Variants in TTN observed in about 807,000 individuals in gnomAD.
The protein encoded by TTN is titin.
TTN carries 1,525 observed loss-of-function variants against 3,223.0 expected under a neutral mutation model. The ratio of observed to expected loss-of-function variants is 0.47; its 90% CI spans 0.45 to 0.49. The LOEUF (loss-of-function observed/expected upper bound fraction) is 0.49. Ranked by LOEUF, TTN falls within the 20% of genes least tolerant of loss-of-function variation. TTN has a pLI of 0.00. For missense variants in TTN, 40,786 were observed against 43,424.0 expected (o/e 0.94, Z 5.40); for synonymous variants, 14,094 against 15,161.0 (o/e 0.93, Z 5.17).
chr2:178,541,066 C>A, intron 350 of TTN: 1 of 388,194 alleles, frequency 2.6e-6, no homozygotes. Context: ...AATTATTTGC[C>A]AGAAATCGCT....
intron 180 of TTN, among the ~76,000 whole-genome samples, chr2:178,660,698 AGCTTCT>A (rs2064546443): frequency 6.6e-6 from 1 of 152,306 alleles, no homozygotes; most frequent in Non-Finnish European, 1.5e-5. Flanking sequence ...TAAACTAAAG[AGCTTCT>A]GCACAGCAAA....
At chr2:178,755,832 G>T (rs1342624534) in intron 46 of TTN, among the ~76,000 whole-genome samples, 1 of 152,138 alleles carries the variant, frequency 6.6e-6, no homozygotes, top group Non-Finnish European at 1.5e-5. Context: ...TGAACCTCTT[G>T]CTATTAAAAC....
At chr2:178,671,401 T>C (rs1246869529) in intron 155 of TTN, among the ~76,000 whole-genome samples, 2 of 151,762 alleles carry the variant, frequency 1.3e-5, no homozygotes, top group Non-Finnish European at 3.0e-5. Context: ...ACATATATTG[T>C]TAATTTGTGC....
chr2:178,753,271 T>G (rs1405944970), intron 46 of TTN, 91 bp from the exon 47 acceptor site: 11 of 1,077,426 alleles, frequency 1.0e-5, no homozygotes, highest in Non-Finnish European at 1.4e-5. Flanking sequence ...AAGTTTTCTT[T>G]TTATTATAAC....
intron 240 of TTN, among the ~76,000 whole-genome samples, chr2:178,628,503 G>T (rs1259314580): frequency 6.6e-6 from 1 of 152,028 alleles, no homozygotes; most frequent in Non-Finnish European, 1.5e-5. Flanking sequence ...ATAATTTAAA[G>T]ACATATGTTG....
In TTN at chr2:178,579,739, A is replaced by G; in HGVS notation, c.67458T>C (p.Tyr22486=). ...HSDGGSRIIG[Y]VVDFLTEENK... ...TTTCTTCAGTCAGGAAATCAACTAC[A>G]TATCCAATAATCCGACTTCCACCAT... The change falls in exon 319 of 363, where the codon TAT becomes TAC. Residue 22486 remains tyrosine, a synonymous_variant. Coordinates refer to ENST00000589042, the MANE Select transcript of TTN (RefSeq NM_001267550.2). The G allele has an allele frequency of 1.9e-6, 3 of 1,613,276 alleles. No homozygotes were observed. The highest frequency in any genetic ancestry group is 1.1e-5 in the South Asian group (1 of 91,076).
chr2:178,610,222 T>C lies in TTN; in HGVS notation c.51304A>G (p.Asn17102Asp), dbSNP rs1184311554. 1.9e-6 allele frequency: 3 copies of C among 1,612,900 alleles called. No individual in the cohort carries two copies. Among genetic ancestry groups the C allele is most frequent in the Non-Finnish European group, 2.5e-6 (3 of 1,179,300 alleles). Reference sequence around the variant, plus strand: ...TCCTTCACAGTCCATGACAGTTTGTTCTCACCAGACATGACTGGTATATAT... The same window carrying C: ...TCCTTCACAGTCCATGACAGTTTGTCCTCACCAGACATGACTGGTATATAT... Reference protein sequence around the residue: ...RTYIPVMSGENKLSWTVKDLI... With the variant: ...RTYIPVMSGEDKLSWTVKDLI... Residue 17102 changes from asparagine to aspartate, a missense_variant, in exon 271 of 363, where the codon AAC becomes GAC. By Grantham distance (23) the Asn-to-Asp change is conservative (BLOSUM62 1). Coordinates refer to ENST00000589042, the MANE Select transcript of TTN (RefSeq NM_001267550.2).
intron 292 of TTN, 122 bp from the exon 293 acceptor site, chr2:178,598,180 GT>G: frequency 1.7e-6 from 2 of 1,211,054 alleles, no homozygotes; most frequent in Non-Finnish European, 1.1e-6. Context: ...ATTGTTGCTG[GT>G]TTAGGTTTTA....
rs761687390 is a variant in TTN at position 178,630,805 on chromosome 2, G to A, written c.44153C>T (p.Pro14718Leu). 1.2e-6 allele frequency: 2 copies of A among 1,611,666 alleles called. No homozygotes were observed. Among genetic ancestry groups the A allele is most frequent in the Non-Finnish European group, 1.7e-6 (2 of 1,178,816 alleles). Residue 14718 changes from proline (P) to leucine (L), a missense_variant and splice_region_variant, in exon 238 of 363, where the codon CCT becomes CTT. By Grantham distance (98) the Pro-to-Leu change is moderately conservative. Transcript: ENST00000589042. ...TGACAAGTTCAGAAATAGCCTTACA[G>A]GTGTTTGGAGTAGGGCCTCTCCCTT... ...KLKGEALLQT[P>L]DCEIKEEGKI...
In TTN at chr2:178,773,281, A is replaced by C; in HGVS notation, c.7683T>G (p.Ile2561Met). The change falls in exon 33 of 363, where the codon ATT becomes ATG. Residue 2561 changes from isoleucine to methionine, a missense_variant. By Grantham distance (10) the Ile-to-Met change is conservative. Transcript: ENST00000589042. Reference sequence around the variant, plus strand: ...TGTCCTTAAAATTCCACAGGACATCAATTCCAGAGTGGGACAGCTCAACCT... The same window carrying C: ...TGTCCTTAAAATTCCACAGGACATCCATTCCAGAGTGGGACAGCTCAACCT... ...VFEVELSHSGIDVLWNFKDKE... is the reference protein window; with the variant it reads ...VFEVELSHSGMDVLWNFKDKE... 1 of 1,613,984 alleles carries C rather than the reference A, an allele frequency of 6.2e-7. No homozygotes were observed. Among genetic ancestry groups the C allele is most frequent in the Non-Finnish European group, 8.5e-7 (1 of 1,179,976 alleles).
intron 292 of TTN, among the ~76,000 whole-genome samples, 163 bp downstream of exon 292, chr2:178,598,343 T>A (rs1482847169): frequency 6.6e-6 from 1 of 152,122 alleles, no homozygotes; most frequent in Non-Finnish European, 1.5e-5. Flanking sequence ...AACTTTTGAT[T>A]CGATTTCTGA....
At position 178,560,295 on chromosome 2, in the gene TTN, TTGA is replaced by T; in HGVS notation, c.85834_85836del (p.Ser28612del). On this transcript the variant is annotated inframe_deletion, in exon 326 of 363. Transcript: ENST00000589042. ...TATTCACATCCTTCCCGAAGTCCTG[TTGA>T]TTTCACTCTTAGATCATAAACTGGT... The T allele has an allele frequency of 6.2e-7, 1 of 1,613,826 alleles. No homozygotes were observed. The highest frequency in any genetic ancestry group is 8.5e-7 in the Non-Finnish European group (1 of 1,179,790).
intron 219 of TTN, among the ~76,000 whole-genome samples, chr2:178,641,798 GA>G (rs1355169086): frequency 6.6e-6 from 1 of 151,728 alleles, no homozygotes; most frequent in East Asian, 1.9e-4. Flanking sequence ...TTATTAGTCA[GA>G]AAGAAATGTT....
In TTN at chr2:178,642,322, A is replaced by G. The variant is rs1287663931; in HGVS notation, c.40478-5T>C. 2 of 1,574,130 alleles carry G rather than the reference A, an allele frequency of 1.3e-6. 1 individual carries two copies. Among genetic ancestry groups the G allele is most frequent in the Non-Finnish European group, 1.7e-6 (2 of 1,160,454 alleles). Reference sequence around the variant, plus strand: ...CTTTCTTTTCACCTCCAGGCACTTAAAAGAATATGATTTCAAATTTTGAAG... The same window carrying G: ...CTTTCTTTTCACCTCCAGGCACTTAGAAGAATATGATTTCAAATTTTGAAG... On this transcript the variant is annotated splice_polypyrimidine_tract_variant and splice_region_variant and intron_variant, in intron 218 of 362. Coordinates refer to ENST00000589042, the MANE Select transcript of TTN (RefSeq NM_001267550.2).
At position 178,567,157 on chromosome 2, in the gene TTN, T is replaced by C; in HGVS notation, c.78975A>G (p.Glu26325=). The C allele has an allele frequency of 6.2e-7, 1 of 1,613,534 alleles. No individual in the cohort carries two copies. The highest frequency in any genetic ancestry group is 8.5e-7 in the Non-Finnish European group (1 of 1,179,590). ...GGSDISHYVV[E]KRETSRLAWT... is the part of the protein sequence containing the mutation. ...AGGCAAGTCGACTGGTTTCTCGCTT[T>C]TCAACAACATAGTGAGAAATGTCAC... Residue 26325 remains glutamate (E), a synonymous_variant, in exon 326 of 363, where the codon GAA becomes GAG. Transcript: ENST00000589042.
At chr2:178,660,976 T>A (rs2064656023) in intron 180 of TTN, among the ~76,000 whole-genome samples, 1 of 118,878 alleles carries the variant, frequency 8.4e-6, no homozygotes, top group Admixed American at 8.6e-5. Flanking sequence ...CACAATGAGA[T>A]ACCATCTCAC....
intron 37 of TTN, 68 bp from the exon 38 acceptor site, chr2:178,769,001 G>A: frequency 6.3e-7 from 1 of 1,577,772 alleles, no homozygotes; most frequent in Non-Finnish European, 8.6e-7. Flanking sequence ...TATAACAGGT[G>A]CAGAATAAAA....
chr2:178,634,178 T>A lies in TTN; in HGVS notation c.42416-95A>T. On this transcript the variant is annotated intron_variant, in intron 230 of 362. Coordinates refer to ENST00000589042, the MANE Select transcript of TTN (RefSeq NM_001267550.2). The surrounding 1 kb of genome is among the most constrained non-coding windows in gnomAD (Gnocchi z 4.6). The stretch of plus-strand genomic sequence containing the variant: ...CTGAGTAAAAGGGACCCATTTCACA[T>A]GGCACTTATTTATTCATCTTTCCAA... The A allele has an allele frequency of 6.6e-7, 1 of 1,526,044 alleles. No individual in the cohort carries two copies. 94.5% of individuals were successfully genotyped at this position (1,526,044 alleles called of 1,614,324 possible). A position where few individuals can be genotyped will look rare whatever the true frequency, so the allele number is the denominator to read the frequency against.
rs780062324 is a variant in TTN at position 178,578,697 on chromosome 2, G to A, written c.68243C>T (p.Pro22748Leu). Residue 22748 changes from proline (P) to leucine (L), a missense_variant, in exon 321 of 363, where the codon CCA (proline) becomes CTA (leucine). Physicochemically the swap from Pro to Leu is moderately conservative, Grantham distance 98 (BLOSUM62 -3). Transcript: ENST00000589042. Reference protein sequence around the residue: ...RHPFDVPDAPPPPNIVDVRHD... With the variant: ...RHPFDVPDAPLPPNIVDVRHD... ...TCTGACATCCACAATATTGGGAGGT[G>A]GGGGAGCATCAGGCACATCTAGAAA... 1.9e-5 allele frequency: 31 copies of A among 1,611,158 alleles called. No homozygotes were observed. The highest frequency in any genetic ancestry group is 2.5e-5 in the Non-Finnish European group (29 of 1,178,886).
Sources: gnomAD v4.1 joint callset for allele counts (sites outside exome capture counted in the v4.1 genomes callset) on GRCh38, gnomAD v4.1.1 for gene constraint, Gnocchi (gnomAD v3.1) non-coding constraint, MANE v1.5 for transcripts, NCBI Gene and HGNC (gene_info 2026-07-23, HGNC 2026-07-21) for gene names.